Variants in PKP2 observed in about 807,000 individuals in gnomAD.
PKP2 encodes plakophilin-2.
PKP2 carries 73 observed loss-of-function variants against 83.4 expected under a neutral mutation model. The ratio of observed to expected loss-of-function variants is 0.88; its 90% confidence interval spans 0.72 to 1.06. The LOEUF is 1.06. PKP2 is among the 50% of genes least tolerant of loss of function. PKP2 has a pLI of 0.00. For missense variants in PKP2, 966 were observed against 1,065.4 expected (o/e 0.91, Z 1.30); for synonymous variants, 409 against 430.4 (o/e 0.95, Z 0.62).
rs1956691539 is a variant in PKP2 at position 32,850,955 on chromosome 12, T to C, written c.1189A>G (p.Ile397Val). The change falls in exon 5 of 13, where the codon ATC becomes GTC. Residue 397 changes from isoleucine to valine, a missense_variant. By Grantham distance (29) the Ile-to-Val change is conservative. Coordinates refer to ENST00000340811, the MANE Select transcript of PKP2 (RefSeq NM_001005242.3). ...TTTAGGAGCTGCAGAAGCTTGAGGA[T>C]GCCACGAAGCTGGTTAACCTGGGGA... ...ARKRVNQLRG[I>V]LKLLQLLKVQ... 5 of 1,614,124 alleles carry C rather than the reference T, an allele frequency of 3.1e-6. No homozygotes were observed. In the South Asian group the frequency reaches 3.3e-5, roughly 11 times the overall value.
At chr12:32,882,784 A>C (rs761956312) in intron 1 of PKP2, among the ~76,000 whole-genome samples, 7 of 152,200 alleles carry the variant, frequency 4.6e-5, no homozygotes, top group Non-Finnish European at 1.0e-4. Context: ...ATAAATAGGG[A>C]AACTTAAATT....
intron 6 of PKP2, among the ~76,000 whole-genome samples, chr12:32,825,626 G>C (rs1368271052): frequency 2.0e-5 from 3 of 152,204 alleles, no homozygotes; most frequent in Non-Finnish European, 4.4e-5. Context: ...ATATAGGCCA[G>C]AAGCTGTGGC....
At position 32,859,938 on chromosome 12, in the gene PKP2, T is replaced by C. The variant is rs187289131; in HGVS notation, c.1171-8965A>G. 4.7e-3 allele frequency among the ~76,000 whole-genome samples: 717 copies of C among 152,320 alleles called. 3 individuals are homozygous for C. Among genetic ancestry groups the C allele is most frequent in the Non-Finnish European group, 7.0e-3 (475 of 68,028 alleles). On this transcript the variant is annotated intron_variant, in intron 4 of 12. Coordinates refer to ENST00000340811, the MANE Select transcript of PKP2 (RefSeq NM_001005242.3). ...ATAAAATGTTGATGGGAGTGTAAAT[T>C]TGTACAATTTTTGGGAGGACTTATT...
In PKP2 at chr12:32,895,167, T is replaced by C. The variant is rs138289212; in HGVS notation, c.223+1342A>G. ...CTCATCTGTAAAATGAGGATGAAAA[T>C]ACCTAACTCACAAGTTTTTAAATAC... On this transcript the variant is annotated intron_variant, in intron 1 of 12. Coordinates refer to ENST00000340811, the MANE Select transcript of PKP2 (RefSeq NM_001005242.3). Among the ~76,000 whole-genome samples the C allele has an allele frequency of 3.5e-3, 535 of 152,254 alleles. 4 individuals are homozygous for C. Among genetic ancestry groups the C allele is most frequent in the Non-Finnish European group, 5.2e-3 (353 of 68,012 alleles).
chr12:32,792,543 G>A, intron 12 of PKP2, 51 bp from the exon 13 acceptor site: 1 of 1,573,034 alleles, frequency 6.4e-7, no homozygotes, highest in Non-Finnish European at 8.8e-7. Flanking sequence ...TGGCACACAA[G>A]AAAATGCAGT....
chr12:32,802,632 AGAG>A (rs1956193309), intron 9 of PKP2, 76 bp from the exon 10 acceptor site: 1 of 1,222,670 alleles, frequency 8.2e-7, no homozygotes, highest in African/African-American at 1.5e-5. Context: ...GTAGATTACC[AGAG>A]GTTGATGAAG....
intron 7 of PKP2, among the ~76,000 whole-genome samples, chr12:32,823,803 A>G (rs1300324420): frequency 6.6e-6 from 1 of 151,956 alleles, no homozygotes; most frequent in Non-Finnish European, 1.5e-5. Context: ...GGGTTTCACC[A>G]TGTTATCCAG....
At chr12:32,822,416 C>T (rs1956388891) in intron 8 of PKP2, 51 bp downstream of exon 8, 2 of 1,477,798 alleles carry the variant, frequency 1.4e-6, no homozygotes, top group Non-Finnish European at 1.9e-6. Context: ...CAAACACACA[C>T]TCTCTCTCAT....
chr12:32,792,720 T>C lies in PKP2; in HGVS notation c.2369A>G (p.Asn790Ser), dbSNP rs762759462. The change falls in exon 12 of 13, where the codon AAC becomes AGC. Residue 790 changes from asparagine to serine, a missense_variant. Coordinates refer to ENST00000340811, the MANE Select transcript of PKP2 (RefSeq NM_001005242.3). ...GACGGAAGCAGCTTTACTTGCTTTG[T>C]TGGAGGCATAGCTGAAAAGAAAAGG... ...AISAGDAYAS[N>S]KASKAASVLL... The C allele has an allele frequency of 1.9e-6, 3 of 1,613,642 alleles. No homozygotes were observed. Among genetic ancestry groups the C allele is most frequent in the Admixed American group, 1.7e-5 (1 of 60,002 alleles).
In PKP2 at chr12:32,791,878, G is replaced by A. The variant is rs1401447980; in HGVS notation, c.*546C>T. The A allele has an allele frequency of 6.2e-6, 1 of 161,992 alleles. No individual in the cohort carries two copies. The highest frequency in any genetic ancestry group is 1.4e-5 in the Non-Finnish European group (1 of 73,914). 10.0% of individuals were successfully genotyped at this position (161,992 alleles called of 1,614,324 possible). Reference sequence around the variant, plus strand: ...AAAAATCAGAGAAAAACAACCCAAGGGGATAAAAACAAGCACAAAGTAAAG... The same window carrying A: ...AAAAATCAGAGAAAAACAACCCAAGAGGATAAAAACAAGCACAAAGTAAAG... On this transcript the variant is annotated 3_prime_UTR_variant, in exon 13 of 13. Coordinates refer to ENST00000340811, the MANE Select transcript of PKP2 (RefSeq NM_001005242.3).
intron 5 of PKP2, among the ~76,000 whole-genome samples, chr12:32,842,908 G>A (rs927519859): frequency 1.3e-5 from 2 of 150,680 alleles, no homozygotes; most frequent in Non-Finnish European, 3.0e-5. Flanking sequence ...CCCTTGACCT[G>A]GTGATCCGCC....
At chr12:32,851,966 A>G (rs190353456) in intron 4 of PKP2, among the ~76,000 whole-genome samples, 2 of 152,376 alleles carry the variant, frequency 1.3e-5, no homozygotes, top group Admixed American at 6.5e-5. Context: ...AAATTGATCT[A>G]AGAAGGGGCC....
chr12:32,835,997 C>G (rs934623236), intron 6 of PKP2, among the ~76,000 whole-genome samples: 3 of 152,126 alleles, frequency 2.0e-5, no homozygotes, highest in African/African-American at 7.2e-5. Flanking sequence ...TTCAAGCTAC[C>G]AACATGATGT....
intron 1 of PKP2, chr12:32,894,564 A>G (rs11052289): frequency 0.57 from 87,063 of 151,998 alleles, 27,667 homozygotes; most frequent in Non-Finnish European, 0.74. Flanking sequence ...TTGTTTCAAG[A>G]ATATAATGAA....
At position 32,877,934 on chromosome 12, in the gene PKP2, T is replaced by G; in HGVS notation, c.946A>C (p.Arg316=). The change falls in exon 3 of 13, where the codon AGA becomes CGA. Residue 316 remains arginine (R), a synonymous_variant. Coordinates refer to ENST00000340811, the MANE Select transcript of PKP2 (RefSeq NM_001005242.3). The part of the protein sequence containing the change: ...PSVAVDSSGR[R]AHLTVGQAAA... Reference sequence around the variant, plus strand: ...GCCTGGCCGACAGTCAAGTGCGCTCTCCTCCCGCTGGAATCCACGGCGACA... The same window carrying G: ...GCCTGGCCGACAGTCAAGTGCGCTCGCCTCCCGCTGGAATCCACGGCGACA... 2 of 1,614,136 alleles carry G rather than the reference T, an allele frequency of 1.2e-6. No individual in the cohort carries two copies. The highest frequency in any genetic ancestry group is 2.2e-5 in the South Asian group (2 of 91,078).
At position 32,802,341 on chromosome 12, in the gene PKP2, C is replaced by T; in HGVS notation, c.2167+62G>A. 16 of 1,517,956 alleles carry T rather than the reference C, an allele frequency of 1.1e-5. No individual in the cohort carries two copies. The South Asian group carries it at 1.6e-4, about 15-fold the overall frequency. 94.0% of individuals were successfully genotyped at this position (1,517,956 alleles called of 1,614,324 possible). On this transcript the variant is annotated intron_variant, in intron 10 of 12. Transcript: ENST00000340811. ...TGTGAACGGGAGGTGATACAGACAA[C>T]ATTTCATTGCATTGTATCTTCAGCA...
intron 6 of PKP2, among the ~76,000 whole-genome samples, chr12:32,839,281 C>G (rs1406331710): frequency 6.6e-6 from 1 of 151,224 alleles, no homozygotes. Flanking sequence ...CAATCCAGGC[C>G]AACAGTTGCT....
At chr12:32,887,345 C>T (rs1304401584) in intron 1 of PKP2, among the ~76,000 whole-genome samples, 1 of 152,110 alleles carries the variant, frequency 6.6e-6, no homozygotes, top group African/African-American at 2.4e-5. Context: ...TTTCAGGAGC[C>T]CCCTAAGCAA....
At chr12:32,846,099 ACTGACAATTACC>A (rs1220178970) in intron 5 of PKP2, among the ~76,000 whole-genome samples, 2 of 152,186 alleles carry the variant, frequency 1.3e-5, no homozygotes, top group Non-Finnish European at 2.9e-5. Context: ...AACACATTTC[ACTGACAATTACC>A]CTGACTCTTT....
Sources: gnomAD v4.1 joint callset for allele counts (sites outside exome capture counted in the v4.1 genomes callset) on GRCh38, gnomAD v4.1.1 for gene constraint, MANE v1.5 for transcripts, NCBI Gene and HGNC (gene_info 2026-07-23, HGNC 2026-07-21) for gene names.